The following RANBP17 variants were observed in gnomAD, a reference collection of about 807,000 sequenced individuals.
RANBP17 encodes the protein ran-binding protein 17.
A neutral mutation model predicts 141.2 loss-of-function variants in RANBP17; 158 were observed. The observed-to-expected ratio is 1.12, with a 90% CI of 0.98 to 1.28. The LOEUF is 1.28. RANBP17 is among the 50% of genes most tolerant of loss of function. RANBP17 has a pLI of 0.00. For missense variants in RANBP17, 1,438 were observed against 1,290.7 expected, an observed-to-expected ratio of 1.11 and a Z score of -1.75; for synonymous variants, 430 against 450.0, an observed-to-expected ratio of 0.96 and a Z score of 0.56.
chr5:171,124,726 A>G (rs1756299674), intron 14 of RANBP17, among the ~76,000 whole-genome samples: 1 of 152,192 alleles, frequency 6.6e-6, no homozygotes, highest in South Asian at 2.1e-4. Context: ...ACACGCAAAA[A>G]AGAAGGGAGT....
intron 24 of RANBP17, among the ~76,000 whole-genome samples, chr5:171,258,124 C>G (rs1233386482): frequency 1.0e-5 from 1 of 96,016 alleles, no homozygotes; most frequent in Non-Finnish European, 2.3e-5. Flanking sequence ...AAAATACACA[C>G]ACACACACAC....
At chr5:171,015,373 T>C (rs541333995) in intron 14 of RANBP17, among the ~76,000 whole-genome samples, 1 of 152,280 alleles carries the variant, frequency 6.6e-6, no homozygotes, top group African/African-American at 2.4e-5. Context: ...TTTCTGTTGC[T>C]GTTGATAAGT....
intron 25 of RANBP17, among the ~76,000 whole-genome samples, chr5:171,273,674 A>T (rs566599387): frequency 1.3e-5 from 2 of 152,338 alleles, no homozygotes; most frequent in Admixed American, 6.5e-5. Flanking sequence ...GTATGCCTGG[A>T]TACCAGCTTT....
chr5:171,264,824 C>T (rs1472001623), intron 24 of RANBP17, among the ~76,000 whole-genome samples: 2 of 152,208 alleles, frequency 1.3e-5, no homozygotes, highest in Non-Finnish European at 2.9e-5. Context: ...ATCTTTCCCA[C>T]CACACTGTTG....
intron 21 of RANBP17, among the ~76,000 whole-genome samples, chr5:171,216,583 C>A (rs1368886565): frequency 6.6e-6 from 1 of 152,120 alleles, no homozygotes; most frequent in African/African-American, 2.4e-5. Flanking sequence ...TCTCTTATTT[C>A]CTTGAGTACT....
chr5:171,136,756 GTGGCTAAT>G (rs1757317834), intron 14 of RANBP17, among the ~76,000 whole-genome samples: 1 of 152,034 alleles, frequency 6.6e-6, no homozygotes, highest in Non-Finnish European at 1.5e-5. Flanking sequence ...TCTGCCTTTG[GTGGCTAAT>G]TAGAGATTTA....
Position 171,160,202 on chromosome 5 carries a change from TC to T in RANBP17, c.1711-9927del, listed in dbSNP as rs374988381. 7.4e-3 allele frequency among the ~76,000 whole-genome samples: 1,133 copies of T among 152,232 alleles called. 13 individuals carry two copies. The highest frequency in any genetic ancestry group is 0.026 in the African/African-American group (1,071 of 41,534). On this transcript the variant is annotated intron_variant, in intron 14 of 27. Transcript: ENST00000523189. ...ATTCTGTTTTTCTCCTGACTTTTTT[TC>T]TATCACTTTTCTTACTACTTTATTT...
chr5:171,296,028 A>C lies in RANBP17; in HGVS notation c.3170+14A>C, dbSNP rs1471031069. 1.2e-6 allele frequency: 2 copies of C among 1,609,856 alleles called. No homozygotes were observed. Among genetic ancestry groups the C allele is most frequent in the Non-Finnish European group, 1.7e-6 (2 of 1,177,430 alleles). Reference sequence around the variant, plus strand: ...GAACAGAGACAGGTGAGCATTGCCCAGTAGTGTGTCACTGGGGGAAGTAGA... The same window carrying C: ...GAACAGAGACAGGTGAGCATTGCCCCGTAGTGTGTCACTGGGGGAAGTAGA... On this transcript the variant is annotated intron_variant, in intron 27 of 27. Coordinates refer to ENST00000523189, the MANE Select transcript of RANBP17 (RefSeq NM_022897.5).
At chr5:170,954,881 C>T (rs1775490777) in intron 13 of RANBP17, among the ~76,000 whole-genome samples, 3 of 152,170 alleles carry the variant, frequency 2.0e-5, no homozygotes, top group Non-Finnish European at 2.9e-5. Context: ...TCCCCAACCC[C>T]TGTACTGGTC....
chr5:170,897,178 T>G, intron 5 of RANBP17: 1 of 754,538 alleles, frequency 1.3e-6, no homozygotes, highest in South Asian at 1.3e-5. Context: ...CTGATACTTA[T>G]GGCTCCGGAA....
intron 2 of RANBP17, 134 bp from the exon 3 acceptor site, chr5:170,881,672 A>G (rs1581041148): frequency 1.8e-6 from 1 of 542,594 alleles, no homozygotes; most frequent in African/African-American, 1.9e-5. Flanking sequence ...TCAAGTTGAC[A>G]TATTTTATCT....
At chr5:171,182,498 T>C (rs1760927104) in intron 16 of RANBP17, among the ~76,000 whole-genome samples, 1 of 152,234 alleles carries the variant, frequency 6.6e-6, no homozygotes, top group African/African-American at 2.4e-5. Flanking sequence ...GGCTGTATAA[T>C]CTTGGGCAAG....
chr5:171,249,684 A>G (rs1765430470), intron 24 of RANBP17, among the ~76,000 whole-genome samples: 1 of 152,228 alleles, frequency 6.6e-6, no homozygotes, highest in Non-Finnish European at 1.5e-5. Context: ...TCAGAACTTG[A>G]AGACAGGACT....
chr5:170,896,248 G>A lies in RANBP17; in HGVS notation c.489+133G>A, dbSNP rs1169789110. 8.1e-6 allele frequency: 5 copies of A among 617,936 alleles called. No individual in the cohort carries two copies. The East Asian group carries it at 1.5e-4, about 18-fold the overall frequency. The allele number at this position is 617,936 out of a possible 1,614,324, so 38.3% of individuals were successfully genotyped here. On this transcript the variant is annotated intron_variant, in intron 5 of 27. Coordinates refer to ENST00000523189, the MANE Select transcript of RANBP17 (RefSeq NM_022897.5). ...AACTCTGAATAATCAAGTTTTTTGT[G>A]TGTGTATCTGTTTTATTGATGGGCT...
intron 14 of RANBP17, among the ~76,000 whole-genome samples, chr5:170,993,649 C>T (rs1219821444): frequency 6.6e-6 from 1 of 152,030 alleles, no homozygotes; most frequent in Non-Finnish European, 1.5e-5. Flanking sequence ...ATAGTTGGCA[C>T]AGTGCCTGAC....
intron 14 of RANBP17, among the ~76,000 whole-genome samples, chr5:171,102,727 G>A (rs543106067): frequency 7.9e-5 from 12 of 151,944 alleles, no homozygotes; most frequent in South Asian, 2.1e-4. Context: ...CCTCATCTTC[G>A]TGGATTTGTC....
intron 13 of RANBP17, among the ~76,000 whole-genome samples, chr5:170,958,893 A>G (rs1459866403): frequency 1.3e-5 from 2 of 152,224 alleles, no homozygotes; most frequent in Admixed American, 1.3e-4. Flanking sequence ...ATCATGACTA[A>G]AATGAAAACC....
intron 14 of RANBP17, among the ~76,000 whole-genome samples, chr5:171,121,001 A>G (rs1481288278): frequency 6.6e-6 from 1 of 152,142 alleles, no homozygotes; most frequent in Non-Finnish European, 1.5e-5. Flanking sequence ...TTTAGCTGTA[A>G]TCCACGCTAG....
chr5:170,985,520 G>C (rs957033735), intron 14 of RANBP17, among the ~76,000 whole-genome samples: 1 of 151,996 alleles, frequency 6.6e-6, no homozygotes, highest in East Asian at 1.9e-4. Context: ...CAAAATTTTT[G>C]CTCTCATTCT....
Sources: allele counts gnomAD v4.1 joint callset (sites outside exome capture counted in the v4.1 genomes callset), GRCh38; gene constraint gnomAD v4.1.1; transcripts MANE v1.5; gene names NCBI Gene and HGNC (gene_info 2026-07-23, HGNC 2026-07-21).